DMD: variants seen among roughly 807,000 people sequenced by gnomAD.
DMD encodes mutant dystrophin.
Under a neutral mutation model 330.1 loss-of-function variants are expected in DMD, and 63 were observed. The ratio of observed to expected loss-of-function variants is 0.19; its 90% CI spans 0.16 to 0.24. The LOEUF is 0.24. DMD is among the 10% of genes least tolerant of loss of function. The pLI is 1.00. For synonymous variants in DMD, 1,223 were observed against 959.8 expected (o/e 1.27, Z -5.07); for missense variants, 3,344 against 2,684.1 (o/e 1.25, Z -5.43).
intron 1 of DMD, among the ~76,000 whole-genome samples, chrX:33,222,856 C>T (rs1270994697): frequency 8.9e-6 from 1 of 111,976 alleles, no homozygotes; most frequent in African/African-American, 3.2e-5. Flanking sequence ...AATCCATATT[C>T]ATGGATGGGA....
Position 32,780,950 on chromosome X carries a change from A to T in DMD, c.649+28543T>A, listed in dbSNP as rs761017691. On this transcript the variant is annotated intron_variant, in intron 7 of 78. Transcript: ENST00000357033. ...ACTAAAAATAAAAAAAAAATAAAAA[A>T]AAATAAAAAATAAAAAAATTAGCCG... is the stretch of plus-strand genomic sequence containing the variant. Among the ~76,000 whole-genome samples the T allele has an allele frequency of 4.8e-3, 521 of 107,662 alleles. 2 individuals are homozygous for T. The highest frequency in any genetic ancestry group is 0.018 in the South Asian group (44 of 2,458). The allele number at this position is 107,662 out of a possible 115,157, so 93.5% of individuals were successfully genotyped here.
At chrX:32,607,914 G>A (rs939530095) in intron 12 of DMD, among the ~76,000 whole-genome samples, 2 of 109,837 alleles carry the variant, frequency 1.8e-5, no homozygotes, top group South Asian at 7.5e-4. Context: ...TTAGAAATAG[G>A]GTACTTATTT....
At chrX:31,986,634 T>C (rs1187428373) in intron 44 of DMD, among the ~76,000 whole-genome samples, 2 of 111,555 alleles carry the variant, frequency 1.8e-5, no homozygotes, top group East Asian at 5.6e-4. Context: ...ATGGTGTCGA[T>C]CTCTTGACCT....
intron 1 of DMD, among the ~76,000 whole-genome samples, chrX:33,127,661 G>T (rs187512083): frequency 0.016 from 1,610 of 102,116 alleles, 30 homozygotes; most frequent in African/African-American, 0.054. Flanking sequence ...GCATAAATAA[G>T]CCCATATATA....
At chrX:32,880,959 GAA>G (rs888988647) in intron 2 of DMD, among the ~76,000 whole-genome samples, 1 of 112,559 alleles carries the variant, frequency 8.9e-6, no homozygotes, top group Non-Finnish European at 1.9e-5. Context: ...AAAAGAAAAA[GAA>G]AAAAACTAAG....
chrX:32,379,675 A>G (rs898853977), intron 34 of DMD, among the ~76,000 whole-genome samples: 3 of 111,666 alleles, frequency 2.7e-5, no homozygotes, highest in Non-Finnish European at 3.8e-5. Context: ...GGTCTCATTT[A>G]TACGATTGTA....
intron 44 of DMD, among the ~76,000 whole-genome samples, chrX:32,000,527 T>A (rs951629865): frequency 2.7e-5 from 3 of 111,920 alleles, no homozygotes; most frequent in Admixed American, 9.5e-5. Flanking sequence ...CTCCTTTGAA[T>A]GAGCCAATGT....
chrX:31,384,314 CT>C (rs1569536351), intron 60 of DMD, among the ~76,000 whole-genome samples: 641 of 44,211 alleles, frequency 0.014, 1 homozygote, highest in South Asian at 0.064. Flanking sequence ...TGCTTCACTA[CT>C]ACTACTACTA....
At chrX:32,321,015 G>A (rs1049516172) in intron 41 of DMD, among the ~76,000 whole-genome samples, 1 of 111,565 alleles carries the variant, frequency 9.0e-6, no homozygotes, top group African/African-American at 3.3e-5. Flanking sequence ...GGTAGACACA[G>A]CCTAAATCTG....
At chrX:32,149,807 T>C (rs1320759043) in intron 44 of DMD, among the ~76,000 whole-genome samples, 1 of 111,570 alleles carries the variant, frequency 9.0e-6, no homozygotes, top group Non-Finnish European at 1.9e-5. Context: ...AAAAATGATC[T>C]AATGGGATGT....
intron 55 of DMD, among the ~76,000 whole-genome samples, chrX:31,544,913 C>G (rs1433337318): frequency 9.0e-6 from 1 of 111,129 alleles, no homozygotes; most frequent in East Asian, 2.8e-4. Flanking sequence ...ACTGTGAAAA[C>G]TGAATTATGA....
chrX:33,279,353 AT>A (rs1179285104), intron 1 of DMD, among the ~76,000 whole-genome samples: 2 of 110,425 alleles, frequency 1.8e-5, no homozygotes, highest in East Asian at 2.9e-4. Context: ...AGAGATTGTT[AT>A]TTTTTTTCAC....
intron 52 of DMD, among the ~76,000 whole-genome samples, chrX:31,708,405 G>A (rs777872889): frequency 1.6e-3 from 176 of 111,498 alleles, no homozygotes; most frequent in African/African-American, 5.3e-3. Context: ...ATTAAAACAC[G>A]GATGGATATA....
At position 31,194,900 on chromosome X, in the gene DMD, G is replaced by A. The variant is rs1351564149; in HGVS notation, c.9807+9061C>T. ...TTGATTTCCTTCCTGTCCTTGTCAC[G>A]GTTCTTAAAGCATCTCCTCATCGAC... is the stretch of plus-strand genomic sequence containing the variant. On this transcript the variant is annotated intron_variant, in intron 67 of 78. Coordinates refer to ENST00000357033, the MANE Select transcript of DMD (RefSeq NM_004006.3). Among the ~76,000 whole-genome samples, 4 of 111,516 alleles carry A rather than the reference G, an allele frequency of 3.6e-5. No homozygotes were observed. The Admixed American group carries it at 3.8e-4, about 11-fold the overall frequency.
At chrX:31,279,529 C>T (rs190103370) in intron 62 of DMD, among the ~76,000 whole-genome samples, 39 of 111,786 alleles carry the variant, frequency 3.5e-4, no homozygotes, top group Admixed American at 2.9e-3. Flanking sequence ...CACTACCAAA[C>T]ATGACACAAG....
chrX:32,958,375 C>A (rs1449134074), intron 2 of DMD, among the ~76,000 whole-genome samples: 2 of 111,224 alleles, frequency 1.8e-5, no homozygotes, highest in Non-Finnish European at 3.8e-5. Flanking sequence ...CTCAGAAAAA[C>A]CTTATTTCTA....
chrX:32,403,998 T>C (rs1220421043), intron 30 of DMD, among the ~76,000 whole-genome samples: 1 of 112,145 alleles, frequency 8.9e-6, no homozygotes, highest in Non-Finnish European at 1.9e-5. Context: ...GAGTCTGTTT[T>C]ATTCCTTAAT....
At chrX:33,134,908 A>G (rs1224906036) in intron 1 of DMD, among the ~76,000 whole-genome samples, 1 of 111,854 alleles carries the variant, frequency 8.9e-6, no homozygotes, top group Non-Finnish European at 1.9e-5. Context: ...CTATATGAGA[A>G]CAACATATAA....
At chrX:31,908,239 C>T (rs923088800) in intron 47 of DMD, among the ~76,000 whole-genome samples, 1 of 112,043 alleles carries the variant, frequency 8.9e-6, no homozygotes, top group African/African-American at 3.3e-5. Flanking sequence ...GATTATAAAT[C>T]ATGCTGCTAT....
Sources: gnomAD v4.1 joint callset for allele counts (sites outside exome capture counted in the v4.1 genomes callset) on GRCh38, gnomAD v4.1.1 for gene constraint, MANE v1.5 for transcripts, NCBI Gene and HGNC (gene_info 2026-07-23, HGNC 2026-07-21) for gene names.